The following AOPEP variants were observed in gnomAD, a reference collection of about 807,000 sequenced individuals.
AOPEP encodes the protein aminopeptidase O.
A neutral mutation model predicts 98.1 loss-of-function variants in AOPEP; 77 were observed. That is an observed-to-expected ratio of 0.78 (90% CI 0.65 to 0.95). The LOEUF (loss-of-function observed/expected upper bound fraction) is 0.95. Ranked by LOEUF, AOPEP falls within the 40% of genes least tolerant of loss-of-function variation. The pLI is 0.00. For synonymous variants in AOPEP, 346 were observed against 365.3 expected, an observed-to-expected ratio of 0.95 and a Z score of 0.60; for missense variants, 1,024 against 1,024.7, an observed-to-expected ratio of 1.00 and a Z score of 0.01.
intron 5 of AOPEP, among the ~76,000 whole-genome samples, chr9:94,823,073 C>T (rs1354710477): frequency 3.9e-5 from 6 of 151,918 alleles, no homozygotes; most frequent in East Asian, 1.9e-4. Flanking sequence ...CTCGGCTCAT[C>T]GCAACTTCCG....
intron 9 of AOPEP, among the ~76,000 whole-genome samples, chr9:94,957,013 A>G (rs963949144): frequency 6.6e-6 from 1 of 152,192 alleles, no homozygotes; most frequent in Non-Finnish European, 1.5e-5. Flanking sequence ...AAACTGGTTC[A>G]GAAGTCTTAC....
At chr9:94,943,698 C>T (rs2137556495) in intron 7 of AOPEP, among the ~76,000 whole-genome samples, 1 of 151,650 alleles carries the variant, frequency 6.6e-6, no homozygotes, top group South Asian at 2.1e-4. Flanking sequence ...GCGGGCAGAT[C>T]ACTTGAGGTC....
chr9:95,045,674 G>A (rs1184299513), intron 13 of AOPEP, among the ~76,000 whole-genome samples: 1 of 152,164 alleles, frequency 6.6e-6, no homozygotes, highest in Non-Finnish European at 1.5e-5. Context: ...TAAGGGCCAG[G>A]TGTTTTCTTT....
chr9:94,780,502 G>T (rs1195887470), intron 3 of AOPEP, among the ~76,000 whole-genome samples: 2 of 152,118 alleles, frequency 1.3e-5, no homozygotes, highest in Non-Finnish European at 2.9e-5. Context: ...AGCTAGACAA[G>T]ATAAAAGAAC....
rs1841275588 is a variant in AOPEP, at chr9:94,773,180, G to A, written c.964+12G>A. On this transcript the variant is annotated intron_variant, in intron 3 of 16. Coordinates refer to ENST00000375315, the MANE Select transcript of AOPEP (RefSeq NM_001193329.3). ...GCAGCTTTGGGAAGGTACTGTACAT[G>A]TGTTCTTTGCTTATTTATGTATTGC... The A allele has an allele frequency of 6.2e-7, 1 of 1,608,306 alleles. No individual in the cohort carries two copies. The highest frequency in any genetic ancestry group is 8.5e-7 in the Non-Finnish European group (1 of 1,176,328).
rs898524781 is a variant in AOPEP at position 95,005,547 on chromosome 9, G to C, written c.2046G>C (p.Thr682=). 6.2e-7 allele frequency: 1 copy of C among 1,613,978 alleles called. No homozygotes were observed. The highest frequency in any genetic ancestry group is 8.5e-7 in the Non-Finnish European group (1 of 1,179,908). Reference sequence around the variant, plus strand: ...CTGTGGTTTTTGAACCTCAGGTCACGAAATGGATTGGAGTGAACCGGAGAC... The same window carrying C: ...CTGTGGTTTTTGAACCTCAGGTCACCAAATGGATTGGAGTGAACCGGAGAC... ...GLARQVRAEV[T]KWIGVNRRPR... The change falls in exon 13 of 17, where the codon ACG becomes ACC. Residue 682 remains threonine (T), a synonymous_variant. Coordinates refer to ENST00000375315, the MANE Select transcript of AOPEP (RefSeq NM_001193329.3).
At chr9:94,839,925 C>G (rs1330671725) in intron 5 of AOPEP, among the ~76,000 whole-genome samples, 2 of 152,160 alleles carry the variant, frequency 1.3e-5, no homozygotes, top group Non-Finnish European at 2.9e-5. Context: ...CCCCACCACA[C>G]CTGGCTAACA....
At position 95,082,613 on chromosome 9, in the gene AOPEP, T is replaced by C. The variant is rs1313114828; in HGVS notation, c.2358T>C (p.Ser786=). 6.2e-7 allele frequency: 1 copy of C among 1,614,086 alleles called. No individual in the cohort carries two copies. Among genetic ancestry groups the C allele is most frequent in the African/African-American group, 1.3e-5 (1 of 74,994 alleles). ...GVYLYGELMV[S]EDARQQQLAR... ...ACCTCTACGGGGAGCTGATGGTGAG[T>C]GAGGACGCCAGACAGCAGCAGCTCG... Residue 786 remains serine, a synonymous_variant, in exon 16 of 17, where the codon AGT becomes AGC. Transcript: ENST00000375315.
At chr9:94,818,602 C>T (rs1311376019) in intron 5 of AOPEP, among the ~76,000 whole-genome samples, 2 of 152,168 alleles carry the variant, frequency 1.3e-5, no homozygotes, top group African/African-American at 4.8e-5. Context: ...CACTTTTCTT[C>T]CCCCCAAAAA....
chr9:95,001,917 G>A (rs939730241), intron 11 of AOPEP, among the ~76,000 whole-genome samples: 7 of 150,646 alleles, frequency 4.6e-5, no homozygotes, highest in Non-Finnish European at 1.0e-4. Flanking sequence ...AGCTGGTACC[G>A]CAGGCTAACA....
chr9:94,790,812 A>G (rs548843738), intron 3 of AOPEP, among the ~76,000 whole-genome samples: 1 of 152,024 alleles, frequency 6.6e-6, no homozygotes, highest in South Asian at 2.1e-4. Context: ...GCTGGCCAGT[A>G]GGGGCATGTT....
intron 5 of AOPEP, among the ~76,000 whole-genome samples, chr9:94,806,404 T>C (rs1481503860): frequency 6.6e-6 from 1 of 152,232 alleles, no homozygotes; most frequent in African/African-American, 2.4e-5. Flanking sequence ...AACAGGTGGG[T>C]GTGAATGATA....
At chr9:95,051,821 T>A (rs1034913747) in intron 13 of AOPEP, among the ~76,000 whole-genome samples, 1 of 151,986 alleles carries the variant, frequency 6.6e-6, no homozygotes, top group South Asian at 2.1e-4. Flanking sequence ...CTCCTGCCTC[T>A]GCCTCCCAAG....
intron 1 of AOPEP, among the ~76,000 whole-genome samples, chr9:94,753,087 T>C (rs1310418748): frequency 2.0e-5 from 3 of 152,164 alleles, no homozygotes; most frequent in Admixed American, 1.3e-4. Flanking sequence ...TTGAGTAACA[T>C]AGACAGATTC....
At position 94,760,086 on chromosome 9, in the gene AOPEP, C is replaced by G. The variant is rs199893579; in HGVS notation, c.303C>G (p.Ile101Met). 49 of 1,614,040 alleles carry G rather than the reference C, an allele frequency of 3.0e-5. 1 individual carries two copies. In the African/African-American group the frequency reaches 4.4e-4, roughly 15 times the overall value. Reference sequence around the variant, plus strand: ...AAATGGAATATAATGATTTTGCAATCTGTAGTAAAGGTGAAAAAGATACTT... The same window carrying G: ...AAATGGAATATAATGATTTTGCAATGTGTAGTAAAGGTGAAAAAGATACTT... ...SSEMEYNDFAICSKGEKDTSD... is the reference protein window; with the variant it reads ...SSEMEYNDFAMCSKGEKDTSD... The change falls in exon 2 of 17, where the codon ATC becomes ATG. Residue 101 changes from isoleucine to methionine, a missense_variant. By Grantham distance (10) the Ile-to-Met change is conservative. Around this residue, in one of 3 missense-constraint regions of AOPEP, gnomAD observed 440 missense variants for 433.8 expected, o/e 1.01. Transcript: ENST00000375315.
Position 95,005,231 on chromosome 9 carries a change from G to A in AOPEP, c.2040+11G>A, listed in dbSNP as rs535706186. The A allele has an allele frequency of 8.2e-6, 9 of 1,092,694 alleles. No individual in the cohort carries two copies. The East Asian group carries it at 3.4e-4, about 41-fold the overall frequency. The allele number at this position is 1,092,694 out of a possible 1,614,324, so 67.7% of individuals were successfully genotyped here. On this transcript the variant is annotated intron_variant, in intron 12 of 16. Transcript: ENST00000375315. ...CAAGTGCGCGCCGAGGTGAGTGCGG[G>A]CGGCGCGGTCCCTGCGCCCCGGTGG...
chr9:94,745,369 G>A (rs2074408300), intron 1 of AOPEP, among the ~76,000 whole-genome samples: 1 of 151,416 alleles, frequency 6.6e-6, no homozygotes, highest in African/African-American at 2.4e-5. Context: ...TCCGCCTCCT[G>A]GGTCCACGCC....
rs918340335 is a variant in AOPEP at position 94,972,975 on chromosome 9, C to T, written c.1916+5174C>T. ...GAAGAAAATAAGTAACTCTGCACAG[C>T]TTTGAGATCCACCCACATGTAGAGA... On this transcript the variant is annotated intron_variant, in intron 10 of 16. Coordinates refer to ENST00000375315, the MANE Select transcript of AOPEP (RefSeq NM_001193329.3). This position sits in a 1 kb window ranked among gnomAD's most constrained non-coding sequence, Gnocchi z 4.2. Among the ~76,000 whole-genome samples, 2 of 152,020 alleles carry T rather than the reference C, an allele frequency of 1.3e-5. No homozygotes were observed. Among genetic ancestry groups the T allele is most frequent in the African/African-American group, 2.4e-5 (1 of 41,396 alleles).
chr9:95,086,622 C>T (rs569642173), intron 16 of AOPEP, 60 bp from the exon 17 acceptor site: 7 of 988,082 alleles, frequency 7.1e-6, no homozygotes, highest in East Asian at 1.1e-4. Context: ...CAGAGGTGCG[C>T]GCTCACAAGA....
Sources: allele counts gnomAD v4.1 joint callset (sites outside exome capture counted in the v4.1 genomes callset), GRCh38; gene constraint gnomAD v4.1.1; regional missense constraint gnomAD v4.1.1; non-coding constraint Gnocchi (gnomAD v3.1); transcripts MANE v1.5; gene names NCBI Gene and HGNC (gene_info 2026-07-23, HGNC 2026-07-21).